The following INPP4B variants were observed in gnomAD, a reference collection of about 807,000 sequenced individuals.
INPP4B encodes inositol polyphosphate 4-phosphatase type II.
Under a neutral mutation model 122.5 loss-of-function variants are expected in INPP4B, and 55 were observed. That is an observed-to-expected ratio of 0.45 (90% CI 0.36 to 0.56). The LOEUF (loss-of-function observed/expected upper bound fraction) is 0.56. Among genes scored for constraint, INPP4B ranks in the 20% least tolerant of loss-of-function variants. INPP4B has a pLI of 0.00. For missense variants in INPP4B, 1,000 were observed against 1,097.7 expected, an observed-to-expected ratio of 0.91 and a Z score of 1.26; for synonymous variants, 403 against 388.7, an observed-to-expected ratio of 1.04 and a Z score of -0.43.
intron 2 of INPP4B, chr4:142,560,614 C>G (rs1233508234): frequency 6.6e-6 from 1 of 152,154 alleles, no homozygotes; most frequent in Non-Finnish European, 1.5e-5. Flanking sequence ...GGTGTAAGTC[C>G]AAGAGCCCAA....
intron 1 of INPP4B, chr4:142,767,925 T>C (rs772187096): frequency 6.6e-6 from 1 of 152,190 alleles, no homozygotes; most frequent in Non-Finnish European, 1.5e-5. Flanking sequence ...AGTGACTTCC[T>C]GCACTTTAGA....
At chr4:142,333,443 T>G (rs566194317) in intron 7 of INPP4B, among the ~76,000 whole-genome samples, 1 of 152,346 alleles carries the variant, frequency 6.6e-6, no homozygotes, top group Non-Finnish European at 1.5e-5. Context: ...CTTTCCTTTC[T>G]CGCTTTTATC....
intron 1 of INPP4B, among the ~76,000 whole-genome samples, chr4:142,737,437 C>G: frequency 6.6e-6 from 1 of 152,116 alleles, no homozygotes; most frequent in Non-Finnish European, 1.5e-5. Context: ...GGATCCCTTC[C>G]TTACACCTTA....
At chr4:142,481,281 C>T (rs17716762) in intron 2 of INPP4B, among the ~76,000 whole-genome samples, 7,719 of 151,870 alleles carry the variant, frequency 0.051, 250 homozygotes, top group Non-Finnish European at 0.079. Context: ...AAAATATTTC[C>T]GGTACCCCTA....
chr4:142,579,886 GA>G (rs1489084070), intron 2 of INPP4B, among the ~76,000 whole-genome samples: 13,401 of 130,964 alleles, frequency 0.1, 711 homozygotes, highest in African/African-American at 0.16. Flanking sequence ...TAGGTAGATA[GA>G]TAGATAGATA....
chr4:142,399,307 C>T (rs551794607), intron 7 of INPP4B, among the ~76,000 whole-genome samples: 7 of 141,718 alleles, frequency 4.9e-5, no homozygotes, highest in Non-Finnish European at 1.1e-4. Flanking sequence ...AGATATTCTC[C>T]TGCCTCAGCC....
At chr4:142,745,777 T>C (rs1365183476) in intron 1 of INPP4B, among the ~76,000 whole-genome samples, 1 of 151,944 alleles carries the variant, frequency 6.6e-6, no homozygotes, top group Non-Finnish European at 1.5e-5. Context: ...GCTGTTGTGG[T>C]TATGTTAATA....
intron 2 of INPP4B, among the ~76,000 whole-genome samples, chr4:142,536,136 G>T (rs1828166379): frequency 6.6e-6 from 1 of 152,086 alleles, no homozygotes; most frequent in Non-Finnish European, 1.5e-5. Flanking sequence ...AATTTTTAGG[G>T]GGTAAGTAAG....
intron 2 of INPP4B, among the ~76,000 whole-genome samples, chr4:142,555,933 C>CTG (rs908163506): frequency 2.3e-4 from 35 of 150,900 alleles, no homozygotes; most frequent in African/African-American, 6.6e-4. Flanking sequence ...AAAGTGCATG[C>CTG]TGTGTGTGTG....
chr4:142,240,684 C>T (rs997266985), intron 11 of INPP4B, among the ~76,000 whole-genome samples: 2 of 152,126 alleles, frequency 1.3e-5, no homozygotes, highest in Non-Finnish European at 2.9e-5. Context: ...ATGGAATCTA[C>T]TTTGCAACCC....
chr4:142,844,216 C>A (rs955964675), intron 1 of INPP4B, among the ~76,000 whole-genome samples: 2 of 152,166 alleles, frequency 1.3e-5, no homozygotes, highest in African/African-American at 4.8e-5. Flanking sequence ...GTTGTTCTTA[C>A]ACTTTATAAA....
chr4:142,369,391 T>C (rs1487596361), intron 7 of INPP4B, among the ~76,000 whole-genome samples: 1 of 151,526 alleles, frequency 6.6e-6, no homozygotes, highest in Non-Finnish European at 1.5e-5. Context: ...CAAGACCAGC[T>C]TGGGCAACAT....
chr4:142,472,038 G>A lies in INPP4B; in HGVS notation c.-190-9312C>T, dbSNP rs924695754. Among the ~76,000 whole-genome samples the A allele has an allele frequency of 9.9e-5, 15 of 152,138 alleles. 1 individual carries two copies. The highest frequency in any genetic ancestry group is 1.9e-4 in the African/African-American group (8 of 41,486). On this transcript the variant is annotated intron_variant, in intron 2 of 25. Transcript: ENST00000262992. ...TACGCTTATTGAGTAAGTTCACCCT[G>A]CTTAATGTTTTCAAAGGAATTCCTT...
chr4:142,467,635 C>T (rs914700528), intron 2 of INPP4B, among the ~76,000 whole-genome samples: 3 of 151,914 alleles, frequency 2.0e-5, no homozygotes, highest in South Asian at 2.1e-4. Context: ...TGAATTAATG[C>T]TTGCATGAGT....
intron 7 of INPP4B, among the ~76,000 whole-genome samples, chr4:142,363,819 T>A (rs1786391658): frequency 6.6e-6 from 1 of 152,012 alleles, no homozygotes; most frequent in Non-Finnish European, 1.5e-5. Context: ...CCAACATCCA[T>A]GAAAGATAAG....
Position 142,185,342 on chromosome 4 carries a change from A to G in INPP4B, c.1181+7745T>C, listed in dbSNP as rs115276990. 5.1e-3 allele frequency among the ~76,000 whole-genome samples: 768 copies of G among 151,916 alleles called. 10 individuals are homozygous for G. The highest frequency in any genetic ancestry group is 0.018 in the African/African-American group (729 of 41,396). On this transcript the variant is annotated intron_variant, in intron 15 of 25. Coordinates refer to ENST00000262992, the MANE Select transcript of INPP4B (RefSeq NM_001101669.3). ...CTTGAGGTGTATGGAAGATATGAGT[A>G]AAGTGGAGCTACCTGCTAGATATAT... is the stretch of plus-strand genomic sequence containing the variant.
chr4:142,338,392 C>T (rs1180637880), intron 7 of INPP4B, among the ~76,000 whole-genome samples: 2 of 151,276 alleles, frequency 1.3e-5, no homozygotes, highest in African/African-American at 4.8e-5. Flanking sequence ...CCCGCCACCA[C>T]ACTTAGCTAA....
intron 2 of INPP4B, among the ~76,000 whole-genome samples, chr4:142,700,005 GAACAA>G (rs1761513500): frequency 6.6e-6 from 1 of 151,642 alleles, no homozygotes; most frequent in African/African-American, 2.4e-5. Context: ...CATCTTAAAA[GAACAA>G]AACAAAAAAA....
chr4:142,733,284 G>A (rs928705339), intron 1 of INPP4B, among the ~76,000 whole-genome samples: 1 of 152,060 alleles, frequency 6.6e-6, no homozygotes, highest in African/African-American at 2.4e-5. Flanking sequence ...TAACCGTCAA[G>A]GGAAAACATT....
Sources: gnomAD v4.1 joint callset for allele counts (sites outside exome capture counted in the v4.1 genomes callset) on GRCh38, gnomAD v4.1.1 for gene constraint, MANE v1.5 for transcripts, NCBI Gene and HGNC (gene_info 2026-07-23, HGNC 2026-07-21) for gene names.